The following TTLL11 variants were observed in gnomAD, a reference collection of about 807,000 sequenced individuals.
TTLL11 encodes tubulin tyrosine ligase like 11.
A neutral mutation model predicts 51.7 loss-of-function variants in TTLL11; 42 were observed. The observed-to-expected ratio is 0.81, with a 90% CI of 0.64 to 1.05. TTLL11 has a LOEUF of 1.05. Ranked by LOEUF, TTLL11 falls within the 50% of genes least tolerant of loss-of-function variation. The pLI is 0.00. For missense variants in TTLL11, 799 were observed against 940.4 expected (o/e 0.85, Z 1.97); for synonymous variants, 381 against 383.5 (o/e 0.99, Z 0.08).
Position 122,002,944 on chromosome 9 carries a change from C to CAAAAAAAAAAAAAAAAAAAAAAAAA in TTLL11, c.694-13175_694-13174insTTTTTTTTTTTTTTTTTTTTTTTTT, listed in dbSNP as rs547408355. On this transcript the variant is annotated intron_variant, in intron 3 of 8. Coordinates refer to ENST00000321582, the MANE Select transcript of TTLL11 (RefSeq NM_001139442.2). Reference sequence around the variant, plus strand: ...CTGGCAACAGAGTGAGACTCTGTCTCAAAAAAAAAAAAAAAAAAAAGAGAT... The same window carrying CAAAAAAAAAAAAAAAAAAAAAAAAA: ...CTGGCAACAGAGTGAGACTCTGTCTCAAAAAAAAAAAAAAAAAAAAAAAAAAAAAAAAAAAAAAAAAAAAAGAGAT... 4.4e-4 allele frequency among the ~76,000 whole-genome samples: 27 copies of CAAAAAAAAAAAAAAAAAAAAAAAAA among 61,224 alleles called. 1 individual carries two copies. The highest frequency in any genetic ancestry group is 1.0e-3 in the African/African-American group (12 of 11,896). The allele number at this position is 61,224 out of a possible 152,430, so 40.2% of individuals were successfully genotyped here. A position where few individuals can be genotyped will look rare whatever the true frequency, so the allele number is the denominator to read the frequency against.
intron 1 of TTLL11, among the ~76,000 whole-genome samples, chr9:122,057,348 A>G (rs1845316300): frequency 7.1e-6 from 1 of 140,424 alleles, no homozygotes; most frequent in Non-Finnish European, 1.5e-5. Context: ...TTTTTTACTG[A>G]ATCTCACTCT....
At chr9:121,934,214 C>T (rs1430030764) in intron 6 of TTLL11, among the ~76,000 whole-genome samples, 5 of 145,660 alleles carry the variant, frequency 3.4e-5, no homozygotes, top group Non-Finnish European at 7.5e-5. Flanking sequence ...GCCTGGGCAA[C>T]AAGAGCAAAA....
At chr9:121,998,201 T>A (rs916895308) in intron 3 of TTLL11, among the ~76,000 whole-genome samples, 1 of 152,130 alleles carries the variant, frequency 6.6e-6, no homozygotes, top group Non-Finnish European at 1.5e-5. Context: ...TTTTCCTCCT[T>A]CCCCACACCA....
At chr9:122,031,612 C>G in intron 3 of TTLL11, 111 bp downstream of exon 3, 1 of 1,351,950 alleles carries the variant, frequency 7.4e-7, no homozygotes, top group Non-Finnish European at 1.0e-6. Context: ...AAGATGCTCC[C>G]TTAGTCGCAG....
At chr9:121,873,575 G>C (rs1345436515) in intron 6 of TTLL11, among the ~76,000 whole-genome samples, 1 of 151,642 alleles carries the variant, frequency 6.6e-6, no homozygotes, top group African/African-American at 2.4e-5. Flanking sequence ...GCCTTCCAAA[G>C]TGCTGCGATT....
chr9:121,949,962 G>A (rs1841798274), intron 6 of TTLL11, among the ~76,000 whole-genome samples: 1 of 151,904 alleles, frequency 6.6e-6, no homozygotes, highest in Admixed American at 6.6e-5. Context: ...TCCCCAGCTT[G>A]CTCTGTCCGC....
intron 8 of TTLL11, among the ~76,000 whole-genome samples, chr9:121,854,826 G>A (rs1402942355): frequency 6.6e-6 from 1 of 152,142 alleles, no homozygotes; most frequent in Non-Finnish European, 1.5e-5. Flanking sequence ...GCAATGAGAG[G>A]GCTACTCGAG....
intron 6 of TTLL11, among the ~76,000 whole-genome samples, chr9:121,941,703 G>A (rs1403283166): frequency 1.3e-5 from 2 of 152,122 alleles, no homozygotes; most frequent in East Asian, 1.9e-4. Context: ...CTTCTCATCT[G>A]CCAACTGGCC....
Position 121,818,430 on chromosome 9 carries a change from TCCCGGGTTCTGCTA to T in TTLL11, c.*4143_*4156del, listed in dbSNP as rs146588925. ...GCAAGTGTGGTAACACTGTCTCCTC[TCCCGGGTTCTGCTA>T]AACGTTCCTATTCACAGCAAGCACC... On this transcript the variant is annotated 3_prime_UTR_variant, in exon 9 of 9. Coordinates refer to ENST00000321582, the MANE Select transcript of TTLL11 (RefSeq NM_001139442.2). 7,752 of 152,266 alleles carry T rather than the reference TCCCGGGTTCTGCTA, an allele frequency of 0.051. 528 individuals carry two copies. Among genetic ancestry groups the T allele is most frequent in the African/African-American group, 0.16 (6,469 of 41,496 alleles). The allele number at this position is 152,266 out of a possible 1,614,324, so 9.4% of individuals were successfully genotyped here.
At chr9:122,077,053 C>T (rs958143330) in intron 1 of TTLL11, among the ~76,000 whole-genome samples, 2 of 152,080 alleles carry the variant, frequency 1.3e-5, no homozygotes, top group Non-Finnish European at 2.9e-5. Context: ...TAGCTATCAA[C>T]TTAGAACAGT....
At position 121,890,911 on chromosome 9, in the gene TTLL11, T is replaced by C. The variant is rs1839204758; in HGVS notation, c.1482-20163A>G. On this transcript the variant is annotated intron_variant, in intron 6 of 8. Coordinates refer to ENST00000321582, the MANE Select transcript of TTLL11 (RefSeq NM_001139442.2). This position sits in a 1 kb window ranked among gnomAD's most constrained non-coding sequence, Gnocchi z 4.3. Reference sequence around the variant, plus strand: ...CTGGCCCCATCTCAGACCACAGTCCTATTTAAGCTCCAGCCACATTGCCCT... The same window carrying C: ...CTGGCCCCATCTCAGACCACAGTCCCATTTAAGCTCCAGCCACATTGCCCT... Among the ~76,000 whole-genome samples, 1 of 152,210 alleles carries C rather than the reference T, an allele frequency of 6.6e-6. No homozygotes were observed. The highest frequency in any genetic ancestry group is 6.5e-5 in the Admixed American group (1 of 15,292).
chr9:122,030,715 A>G (rs948558922), intron 3 of TTLL11, among the ~76,000 whole-genome samples: 1 of 150,740 alleles, frequency 6.6e-6, no homozygotes, highest in Non-Finnish European at 1.5e-5. Flanking sequence ...TGAGGTCAGG[A>G]GATCGAGACC....
intron 1 of TTLL11, among the ~76,000 whole-genome samples, chr9:122,071,320 C>G (rs1161047277): frequency 2.6e-5 from 4 of 152,178 alleles, no homozygotes; most frequent in African/African-American, 9.7e-5. Context: ...TAAATAGCAG[C>G]ATGATACCCA....
At chr9:121,905,584 C>T (rs1249116493) in intron 6 of TTLL11, among the ~76,000 whole-genome samples, 1 of 152,108 alleles carries the variant, frequency 6.6e-6, no homozygotes, top group African/African-American at 2.4e-5. Context: ...AACTCCTGAG[C>T]TCAGACAATC....
rs1457632973 is a variant in TTLL11, at chr9:121,989,177, G to C, written c.1269+18C>G. 1 of 1,611,536 alleles carries C rather than the reference G, an allele frequency of 6.2e-7. No homozygotes were observed. The highest frequency in any genetic ancestry group is 1.3e-5 in the African/African-American group (1 of 74,982). On this transcript the variant is annotated intron_variant, in intron 4 of 8. Transcript: ENST00000321582. This position sits in a 1 kb window ranked among gnomAD's most constrained non-coding sequence, Gnocchi z 4.2. The stretch of plus-strand genomic sequence containing the variant: ...CGGTCAAGGCTGGAAACGCAGGCTG[G>C]GAACTGGCAATGGTTACCTGGAAGC...
chr9:121,920,094 G>A (rs1840476056), intron 6 of TTLL11, among the ~76,000 whole-genome samples: 1 of 152,028 alleles, frequency 6.6e-6, no homozygotes, highest in South Asian at 2.1e-4. Flanking sequence ...TTGAGCTCAG[G>A]TATTCAAGAC....
chr9:121,980,087 A>G (rs1481807652), intron 4 of TTLL11, among the ~76,000 whole-genome samples: 1 of 152,054 alleles, frequency 6.6e-6, no homozygotes, highest in African/African-American at 2.4e-5. Context: ...AGATACCACA[A>G]GCAAGTCAAT....
intron 4 of TTLL11, among the ~76,000 whole-genome samples, chr9:121,987,024 A>G (rs938872832): frequency 1.3e-5 from 2 of 152,184 alleles, no homozygotes; most frequent in Admixed American, 6.5e-5. Flanking sequence ...AATGTTGCAG[A>G]AGACGCCATA....
chr9:122,022,103 A>AT (rs1022703730), intron 3 of TTLL11, among the ~76,000 whole-genome samples: 5 of 152,182 alleles, frequency 3.3e-5, no homozygotes, highest in African/African-American at 9.7e-5. Flanking sequence ...AAACAGAATG[A>AT]TTTTTTTAAA....
Sources: gnomAD v4.1 joint callset for allele counts (sites outside exome capture counted in the v4.1 genomes callset) on GRCh38, gnomAD v4.1.1 for gene constraint, Gnocchi (gnomAD v3.1) non-coding constraint, MANE v1.5 for transcripts, NCBI Gene and HGNC (gene_info 2026-07-23, HGNC 2026-07-21) for gene names.